ASIC2: variants seen among roughly 807,000 people sequenced by gnomAD.
ASIC2 encodes acid-sensing ion channel 2.
Under a neutral mutation model 57.3 loss-of-function variants are expected in ASIC2, and 25 were observed. The observed-to-expected ratio is 0.44, with a 90% CI of 0.32 to 0.61. ASIC2 has a LOEUF of 0.61. Among genes scored for constraint, ASIC2 ranks in the 20% least tolerant of loss-of-function variants. ASIC2 has a pLI of 0.06. For synonymous variants in ASIC2, 319 were observed against 307.5 expected (o/e 1.04, Z -0.39); for missense variants, 641 against 738.1 (o/e 0.87, Z 1.52).
intron 1 of ASIC2, among the ~76,000 whole-genome samples, chr17:33,201,874 T>C (rs913811310): frequency 1.3e-5 from 2 of 151,726 alleles, no homozygotes; most frequent in African/African-American, 4.8e-5. Flanking sequence ...TGAAAAATTA[T>C]AAAAACAATT....
chr17:33,629,784 T>A (rs1461372339), intron 1 of ASIC2, among the ~76,000 whole-genome samples: 7 of 152,324 alleles, frequency 4.6e-5, no homozygotes, highest in Admixed American at 1.3e-4. Flanking sequence ...CAAACCCAGT[T>A]CTGCCAGAAG....
rs573655742 is a variant in ASIC2 at position 33,386,973 on chromosome 17, T to G, written c.556-274906A>C. On this transcript the variant is annotated intron_variant, in intron 1 of 9. Transcript: ENST00000359872. The stretch of plus-strand genomic sequence containing the variant: ...GTGTGTGTGTGTCTGTGTGTGTGTG[T>G]GTTTTGACAGAGTTTTGCTGGGATT... Among the ~76,000 whole-genome samples, 6 of 152,294 alleles carry G rather than the reference T, an allele frequency of 3.9e-5. No individual in the cohort carries two copies. The South Asian group carries it at 1.2e-3, about 32-fold the overall frequency.
intron 1 of ASIC2, among the ~76,000 whole-genome samples, chr17:33,162,152 C>T (rs1244071429): frequency 6.6e-6 from 1 of 152,146 alleles, no homozygotes; most frequent in Non-Finnish European, 1.5e-5. Flanking sequence ...TATTTATCCT[C>T]CAGTCTTTTG....
rs1320670657 is a variant in ASIC2 at position 33,926,463 on chromosome 17, T to G, written c.555+229515A>C. 2.0e-5 allele frequency among the ~76,000 whole-genome samples: 3 copies of G among 152,338 alleles called. No individual in the cohort carries two copies. In the East Asian group the frequency reaches 5.8e-4, roughly 29 times the overall value. On this transcript the variant is annotated intron_variant, in intron 1 of 9. Coordinates refer to the ASIC2 transcript ENST00000359872. ...TGTGTTTTAATATACCTTATACACA[T>G]AGCCTGAAGATAATTTTATACAGTA...
chr17:33,362,093 C>T (rs1597699228), intron 1 of ASIC2, among the ~76,000 whole-genome samples: 2 of 152,212 alleles, frequency 1.3e-5, no homozygotes, highest in African/African-American at 4.8e-5. Flanking sequence ...TTTCTTCCAT[C>T]CTTTCCTCCT....
At chr17:33,571,781 C>T (rs1916454329) in intron 1 of ASIC2, among the ~76,000 whole-genome samples, 1 of 152,210 alleles carries the variant, frequency 6.6e-6, no homozygotes, top group African/African-American at 2.4e-5. Flanking sequence ...CAAATTCCTT[C>T]AAAGCAGTTC....
intron 1 of ASIC2, among the ~76,000 whole-genome samples, chr17:34,023,695 TAGCCCTCC>T (rs1256962311): frequency 6.6e-6 from 1 of 152,016 alleles, no homozygotes; most frequent in Non-Finnish European, 1.5e-5. Context: ...AAGCAGAGAG[TAGCCCTCC>T]CCAGGCAACT....
At chr17:33,329,150 G>C (rs931889276) in intron 1 of ASIC2, among the ~76,000 whole-genome samples, 1 of 152,192 alleles carries the variant, frequency 6.6e-6, no homozygotes. Context: ...AGTAGCTGCA[G>C]GTTCAAATCC....
At chr17:33,289,753 A>G (rs1267886476) in intron 1 of ASIC2, among the ~76,000 whole-genome samples, 1 of 152,218 alleles carries the variant, frequency 6.6e-6, no homozygotes, top group Non-Finnish European at 1.5e-5. Context: ...TTAGAATGCA[A>G]TTCCACACAC....
intron 1 of ASIC2, among the ~76,000 whole-genome samples, chr17:33,353,886 G>A (rs772089011): frequency 3.9e-5 from 6 of 152,124 alleles, no homozygotes; most frequent in African/African-American, 7.2e-5. Flanking sequence ...GTATCTTAGA[G>A]TATTAGCCCA....
In ASIC2 at chr17:33,877,832, G is replaced by A. The variant is rs112410697; in HGVS notation, c.555+278146C>T. Among the ~76,000 whole-genome samples, 3 of 152,314 alleles carry A rather than the reference G, an allele frequency of 2.0e-5. No individual in the cohort carries two copies. The East Asian group carries it at 5.8e-4, about 29-fold the overall frequency. On this transcript the variant is annotated intron_variant, in intron 1 of 9. Coordinates refer to the ASIC2 transcript ENST00000359872. ...CTCCTCAAGTGGGTTCCTGACCCCCGAGTAGCCTAACTGGGAGGCACCCCC... is the reference window on the plus strand; with the variant it reads ...CTCCTCAAGTGGGTTCCTGACCCCCAAGTAGCCTAACTGGGAGGCACCCCC...
At chr17:33,527,054 G>A (rs1183325563) in intron 1 of ASIC2, among the ~76,000 whole-genome samples, 2 of 152,216 alleles carry the variant, frequency 1.3e-5, no homozygotes, top group Non-Finnish European at 2.9e-5. Context: ...GCCCCCATCT[G>A]CTACCTGTGC....
intron 1 of ASIC2, among the ~76,000 whole-genome samples, chr17:33,157,837 G>A (rs1326005510): frequency 6.6e-6 from 1 of 152,164 alleles, no homozygotes; most frequent in Non-Finnish European, 1.5e-5. Context: ...CTAAGTCAAA[G>A]CCACATCCTC....
At chr17:33,849,939 A>G (rs910993711) in intron 1 of ASIC2, among the ~76,000 whole-genome samples, 1 of 152,244 alleles carries the variant, frequency 6.6e-6, no homozygotes, top group Non-Finnish European at 1.5e-5. Flanking sequence ...GGATGCTGTT[A>G]TAGTCCTAGG....
chr17:33,484,330 G>T (rs1388977619), intron 1 of ASIC2, among the ~76,000 whole-genome samples: 1 of 152,158 alleles, frequency 6.6e-6, no homozygotes, highest in African/African-American at 2.4e-5. Context: ...GCCACACTCT[G>T]GGAGATGCCC....
chr17:34,124,832 T>C (rs1911730702), intron 1 of ASIC2, among the ~76,000 whole-genome samples: 1 of 152,086 alleles, frequency 6.6e-6, no homozygotes, highest in African/African-American at 2.4e-5. Flanking sequence ...TTAACTCATC[T>C]AAGCCTAATT....
At chr17:33,710,770 G>A (rs1056859989) in intron 1 of ASIC2, among the ~76,000 whole-genome samples, 7 of 152,076 alleles carry the variant, frequency 4.6e-5, no homozygotes, top group Admixed American at 1.3e-4. Flanking sequence ...TGAGGAAATC[G>A]TACTAGAGCA....
rs138127405 is a variant in ASIC2 at position 33,496,965 on chromosome 17, G to A, written c.556-384898C>T. Among the ~76,000 whole-genome samples the A allele has an allele frequency of 1.2e-3, 184 of 152,206 alleles. 1 individual carries two copies. The highest frequency in any genetic ancestry group is 4.1e-3 in the African/African-American group (172 of 41,538). ...TTTCCTGGTGCTCTGTGAGTCTCCT[G>A]AGAATGGGACCATAGCTGTTTGTTT... On this transcript the variant is annotated intron_variant, in intron 1 of 9. Transcript: ENST00000359872.
Position 33,132,209 on chromosome 17 carries a change from G to C in ASIC2, c.709-20142C>G, listed in dbSNP as rs1444252031. 2.0e-5 allele frequency among the ~76,000 whole-genome samples: 3 copies of C among 152,194 alleles called. No individual in the cohort carries two copies. The East Asian group carries it at 5.8e-4, about 29-fold the overall frequency. On this transcript the variant is annotated intron_variant, in intron 1 of 9. Transcript: ENST00000225823. ...CACATACTATGTGGCTCAAGGTTAT[G>C]TACTGTAACATTTAAACTTATGCAA...
Sources: allele counts gnomAD v4.1 joint callset (sites outside exome capture counted in the v4.1 genomes callset), GRCh38; gene constraint gnomAD v4.1.1; transcripts MANE v1.5; gene names NCBI Gene and HGNC (gene_info 2026-07-23, HGNC 2026-07-21).